The following RBFOX1 variants were observed in gnomAD, a reference collection of about 807,000 sequenced individuals.
RBFOX1 encodes RNA binding protein fox-1 homolog 1.
A neutral mutation model predicts 57.7 loss-of-function variants in RBFOX1; 8 were observed. That is an observed-to-expected ratio of 0.14 (90% CI 0.08 to 0.25). The LOEUF is 0.25. RBFOX1 is among the 10% of genes least tolerant of loss of function. The pLI, the probability that RBFOX1 is intolerant of heterozygous loss-of-function variation, is 1.00. For missense variants in RBFOX1, 611 were observed against 548.5 expected (o/e 1.11, Z -1.14); for synonymous variants, 326 against 222.4 (o/e 1.47, Z -4.15).
At chr16:5,690,431 G>C (rs574031360) in intron 3 of RBFOX1, among the ~76,000 whole-genome samples, 27 of 152,224 alleles carry the variant, frequency 1.8e-4, no homozygotes, top group African/African-American at 4.8e-4. Flanking sequence ...CTACAAACAG[G>C]ATAGCCACTA....
chr16:7,341,808 TTCCTTC>T (rs2096902668), intron 4 of RBFOX1, among the ~76,000 whole-genome samples: 2 of 137,830 alleles, frequency 1.5e-5, no homozygotes, highest in African/African-American at 5.4e-5. Context: ...CCTTCCTTCC[TTCCTTC>T]CTTCCTTCCT....
chr16:7,157,361 G>C lies in RBFOX1; in HGVS notation c.27+105263G>C, dbSNP rs1227773235. Among the ~76,000 whole-genome samples, 4 of 151,820 alleles carry C rather than the reference G, an allele frequency of 2.6e-5. No homozygotes were observed. In the East Asian group the frequency reaches 7.7e-4, roughly 29 times the overall value. The stretch of plus-strand genomic sequence containing the variant: ...TAATATGAGATACCATTTCAATTTG[G>C]CAATAAATGTATGGTAAATGGAAGG... On this transcript the variant is annotated intron_variant, in intron 4 of 15. Coordinates refer to ENST00000550418, the MANE Select transcript of RBFOX1 (RefSeq NM_018723.4).
At chr16:5,640,426 T>C (rs887361258) in intron 3 of RBFOX1, among the ~76,000 whole-genome samples, 2 of 150,292 alleles carry the variant, frequency 1.3e-5, no homozygotes, top group Admixed American at 6.6e-5. Context: ...CATGCACACA[T>C]ACACATGCAC....
chr16:6,687,193 G>C (rs1555692709), intron 3 of RBFOX1, among the ~76,000 whole-genome samples: 2 of 152,142 alleles, frequency 1.3e-5, no homozygotes, highest in Non-Finnish European at 2.9e-5. Context: ...ACATCAGGTA[G>C]TAAATACCGT....
At chr16:6,964,805 AGAAAG>A (rs1454765528) in intron 3 of RBFOX1, among the ~76,000 whole-genome samples, 1 of 152,188 alleles carries the variant, frequency 6.6e-6, no homozygotes, top group African/African-American at 2.4e-5. Context: ...CTTAAAGCTA[AGAAAG>A]GCCTTTGTCT....
chr16:5,455,663 T>A (rs1190636596), intron 1 of RBFOX1, among the ~76,000 whole-genome samples: 1 of 152,180 alleles, frequency 6.6e-6, no homozygotes, highest in Non-Finnish European at 1.5e-5. Flanking sequence ...CTTTTTACTC[T>A]CCATGCATAT....
At chr16:7,664,702 C>G (rs984780053) in intron 12 of RBFOX1, 21 of 664,504 alleles carry the variant, frequency 3.2e-5, no homozygotes, top group Middle Eastern at 4.3e-4. Flanking sequence ...CCTAGCACAC[C>G]GCCACCACCA....
At chr16:6,620,161 C>T (rs1481976582) in intron 2 of RBFOX1, among the ~76,000 whole-genome samples, 2 of 152,222 alleles carry the variant, frequency 1.3e-5, no homozygotes, top group South Asian at 2.1e-4. Flanking sequence ...TCTTGCACCA[C>T]AGCATAACTA....
intron 1 of RBFOX1, among the ~76,000 whole-genome samples, chr16:5,414,350 G>T (rs984868613): frequency 1.5e-4 from 23 of 152,122 alleles, no homozygotes; most frequent in Admixed American, 1.5e-3. Context: ...TCCGTCCTCC[G>T]ACACTGTGGG....
intron 3 of RBFOX1, among the ~76,000 whole-genome samples, chr16:7,010,396 C>A (rs1490898257): frequency 6.6e-6 from 1 of 152,060 alleles, no homozygotes; most frequent in Non-Finnish European, 1.5e-5. Context: ...CTGGTGAGAT[C>A]TTGGTGATTA....
At chr16:6,855,122 C>A (rs761588547) in intron 3 of RBFOX1, among the ~76,000 whole-genome samples, 1 of 151,980 alleles carries the variant, frequency 6.6e-6, no homozygotes, top group East Asian at 1.9e-4. Context: ...TTGACAGATT[C>A]CAGCACTATA....
At chr16:7,540,880 T>C (rs895003722) in intron 5 of RBFOX1, among the ~76,000 whole-genome samples, 2 of 152,220 alleles carry the variant, frequency 1.3e-5, no homozygotes, top group African/African-American at 4.8e-5. Flanking sequence ...ACTCCTCATG[T>C]GGCCAAGGCT....
intron 2 of RBFOX1, among the ~76,000 whole-genome samples, chr16:6,570,802 A>G (rs1407603536): frequency 2.6e-5 from 4 of 152,290 alleles, no homozygotes; most frequent in East Asian, 1.9e-4. Context: ...CTCAATTATT[A>G]TAACTATTTT....
At chr16:6,789,832 C>G (rs185042279) in intron 3 of RBFOX1, among the ~76,000 whole-genome samples, 2,451 of 152,010 alleles carry the variant, frequency 0.016, 74 homozygotes, top group African/African-American at 0.056. Context: ...TGTGCTTTCT[C>G]CCACCTTTTT....
chr16:7,240,372 A>T (rs2093994605), intron 4 of RBFOX1, among the ~76,000 whole-genome samples: 1 of 152,188 alleles, frequency 6.6e-6, no homozygotes, highest in Non-Finnish European at 1.5e-5. Flanking sequence ...ACTATGTTAT[A>T]CTTGTATATC....
intron 2 of RBFOX1, among the ~76,000 whole-genome samples, chr16:5,479,650 T>C (rs1355248976): frequency 6.6e-6 from 1 of 152,016 alleles, no homozygotes; most frequent in Non-Finnish European, 1.5e-5. Context: ...TCGCAGCTAC[T>C]TGGGAGGCTG....
Position 6,185,789 on chromosome 16 carries a change from G to T in RBFOX1, c.-126-131206G>T, listed in dbSNP as rs1192341565. 2.0e-5 allele frequency among the ~76,000 whole-genome samples: 3 copies of T among 152,140 alleles called. 1 individual carries two copies. The highest frequency in any genetic ancestry group is 1.3e-4 in the Admixed American group (2 of 15,264). Reference sequence around the variant, plus strand: ...ATGTAAATCATTAAATTTTTTAAAAGTCTGTGATAATGACATGGTTGATGA... The same window carrying T: ...ATGTAAATCATTAAATTTTTTAAAATTCTGTGATAATGACATGGTTGATGA... On this transcript the variant is annotated intron_variant, in intron 1 of 15. Transcript: ENST00000550418.
intron 3 of RBFOX1, among the ~76,000 whole-genome samples, chr16:6,752,321 A>G (rs985835173): frequency 2.0e-5 from 3 of 152,218 alleles, no homozygotes; most frequent in African/African-American, 4.8e-5. Context: ...TAACTTTGAC[A>G]TTATCAGACG....
Position 6,967,789 on chromosome 16 carries a change from C to T in RBFOX1, c.-15-84268C>T, listed in dbSNP as rs375772318. ...ACCCTGGGGAATGTGTGGGAGGCAG[C>T]AGGTGACCAAGCCCTGAAACTAAGA... On this transcript the variant is annotated intron_variant, in intron 3 of 15. Transcript: ENST00000550418. Among the ~76,000 whole-genome samples, 72 of 152,160 alleles carry T rather than the reference C, an allele frequency of 4.7e-4. 1 individual carries two copies. In the South Asian group the frequency reaches 0.015, roughly 31 times the overall value.
Sources: gnomAD v4.1 joint callset for allele counts (sites outside exome capture counted in the v4.1 genomes callset) on GRCh38, gnomAD v4.1.1 for gene constraint, MANE v1.5 for transcripts, NCBI Gene and HGNC (gene_info 2026-07-23, HGNC 2026-07-21) for gene names.